FOXP1: variants seen among roughly 807,000 people sequenced by gnomAD.
The protein encoded by FOXP1 is forkhead box protein P1.
A neutral mutation model predicts 98.2 loss-of-function variants in FOXP1; 15 were observed. That is an observed-to-expected ratio of 0.15 (90% CI 0.10 to 0.24). The LOEUF is 0.24. Ranked by LOEUF, FOXP1 falls within the 10% of genes least tolerant of loss-of-function variation. FOXP1 has a pLI of 1.00. For synonymous variants in FOXP1, 371 were observed against 314.5 expected (o/e 1.18, Z -1.90); for missense variants, 633 against 848.5 (o/e 0.75, Z 3.15).
chr3:71,267,001 C>G (rs895235791), intron 5 of FOXP1, among the ~76,000 whole-genome samples: 10 of 152,110 alleles, frequency 6.6e-5, no homozygotes, highest in Non-Finnish European at 1.2e-4. Context: ...GAATTTAATC[C>G]TTCATCAAAG....
intron 2 of FOXP1, among the ~76,000 whole-genome samples, chr3:71,509,673 G>A (rs565267742): frequency 2.6e-4 from 40 of 152,202 alleles, no homozygotes; most frequent in African/African-American, 8.9e-4. Context: ...CTTGAGGCTA[G>A]GAGTTCAAGA....
At chr3:71,068,202 A>G (rs1392075965) in intron 7 of FOXP1, among the ~76,000 whole-genome samples, 1 of 152,210 alleles carries the variant, frequency 6.6e-6, no homozygotes, top group Non-Finnish European at 1.5e-5. Context: ...AAATGAGTCC[A>G]TTGTGCAGCT....
chr3:71,062,356 T>C (rs1453010330), intron 7 of FOXP1, among the ~76,000 whole-genome samples: 1 of 152,256 alleles, frequency 6.6e-6, no homozygotes, highest in Non-Finnish European at 1.5e-5. Context: ...ATGTTTCCAT[T>C]CCATCCCTGG....
chr3:71,365,451 CAAAAAAA>C (rs1209204141), intron 3 of FOXP1, among the ~76,000 whole-genome samples: 1 of 80,168 alleles, frequency 1.2e-5, no homozygotes, highest in Non-Finnish European at 2.7e-5. Context: ...TTGCAACAAC[CAAAAAAA>C]AAAAAAAAAA....
chr3:71,136,992 C>T (rs1320442439), intron 6 of FOXP1, among the ~76,000 whole-genome samples: 3 of 152,158 alleles, frequency 2.0e-5, no homozygotes, highest in Non-Finnish European at 4.4e-5. Flanking sequence ...TCTCAGCTTC[C>T]TTTATGAAGC....
At chr3:71,504,864 C>G (rs2041687966) in intron 2 of FOXP1, among the ~76,000 whole-genome samples, 1 of 152,170 alleles carries the variant, frequency 6.6e-6, no homozygotes, top group Non-Finnish European at 1.5e-5. Context: ...GTTCTAACAC[C>G]AACTAACATG....
chr3:70,998,130 T>A (rs1166393584), intron 13 of FOXP1, among the ~76,000 whole-genome samples: 1 of 152,182 alleles, frequency 6.6e-6, no homozygotes, highest in African/African-American at 2.4e-5. Flanking sequence ...GTTTTTCTGA[T>A]CCTCTTGACC....
Position 70,958,527 on chromosome 3 carries a change from C to T in FOXP1, c.*720G>A. On this transcript the variant is annotated 3_prime_UTR_variant, in exon 21 of 21. Transcript: ENST00000649528. ...GACATTCAGCTTTGTATAATAAAAACACCTATTAACATTCATCACAAGGTA... is the reference window on the plus strand; with the variant it reads ...GACATTCAGCTTTGTATAATAAAAATACCTATTAACATTCATCACAAGGTA... 3.1e-6 allele frequency: 1 copy of T among 319,056 alleles called. No homozygotes were observed. Among genetic ancestry groups the T allele is most frequent in the Non-Finnish European group, 6.0e-6 (1 of 166,078 alleles). 19.8% of individuals were successfully genotyped at this position (319,056 alleles called of 1,614,324 possible).
chr3:71,292,383 G>A (rs2072848356), intron 5 of FOXP1: 1 of 152,158 alleles, frequency 6.6e-6, no homozygotes, highest in Admixed American at 6.5e-5. Flanking sequence ...TGCCCAGGAT[G>A]TAGAGCAGTG....
chr3:71,541,957 C>A (rs578235930), intron 2 of FOXP1: 1 of 531,212 alleles, frequency 1.9e-6, no homozygotes, highest in Admixed American at 2.0e-5. Context: ...CATGGCATCA[C>A]GCCGCGCGAG....
intron 5 of FOXP1, among the ~76,000 whole-genome samples, chr3:71,220,214 T>C: frequency 6.6e-6 from 1 of 152,182 alleles, no homozygotes; most frequent in East Asian, 1.9e-4. Flanking sequence ...ATAAATAATT[T>C]AATGTCAGAC....
chr3:71,581,752 G>A (rs2048186557), intron 1 of FOXP1, 55 bp from the exon 2 acceptor site: 1 of 985,700 alleles, frequency 1.0e-6, no homozygotes, highest in Non-Finnish European at 1.2e-6. Flanking sequence ...CGTGCAGGCT[G>A]GGGGGAACTG....
intron 4 of FOXP1, among the ~76,000 whole-genome samples, chr3:71,310,830 G>C (rs906281841): frequency 5.3e-5 from 8 of 152,194 alleles, no homozygotes; most frequent in African/African-American, 1.9e-4. Context: ...ACTCATGGCT[G>C]CCTACCAGGC....
intron 4 of FOXP1, among the ~76,000 whole-genome samples, chr3:71,324,133 C>T (rs2075549651): frequency 6.6e-6 from 1 of 151,902 alleles, no homozygotes; most frequent in East Asian, 1.9e-4. Context: ...TTATATTATT[C>T]AGAAAATATA....
Position 71,459,619 on chromosome 3 carries a change from T to C in FOXP1, c.-168+33807A>G, listed in dbSNP as rs538974871. Among the ~76,000 whole-genome samples, 3 of 152,334 alleles carry C rather than the reference T, an allele frequency of 2.0e-5. No individual in the cohort carries two copies. The East Asian group carries it at 5.8e-4, about 29-fold the overall frequency. On this transcript the variant is annotated intron_variant, in intron 3 of 20. Coordinates refer to ENST00000649528, the MANE Select transcript of FOXP1 (RefSeq NM_001349338.3). Reference sequence around the variant, plus strand: ...TCATGTAATAGATATGGGGTTGTTGTTTTTTAAAATCCCTTCATCACAAAT... The same window carrying C: ...TCATGTAATAGATATGGGGTTGTTGCTTTTTAAAATCCCTTCATCACAAAT...
intron 6 of FOXP1, among the ~76,000 whole-genome samples, chr3:71,126,757 G>A (rs1361618487): frequency 6.6e-6 from 1 of 151,336 alleles, no homozygotes; most frequent in Non-Finnish European, 1.5e-5. Flanking sequence ...CCGTGAGATG[G>A]AGGCTGCAGT....
At chr3:71,171,895 T>C (rs1344425654) in intron 6 of FOXP1, among the ~76,000 whole-genome samples, 1 of 152,254 alleles carries the variant, frequency 6.6e-6, no homozygotes, top group Non-Finnish European at 1.5e-5. Flanking sequence ...CATTTTTCTG[T>C]TGACAAACAG....
intron 13 of FOXP1, among the ~76,000 whole-genome samples, chr3:70,991,368 A>C (rs1284837472): frequency 6.6e-6 from 1 of 152,164 alleles, no homozygotes; most frequent in African/African-American, 2.4e-5. Context: ...GGTTTAAGAC[A>C]GTCTGGGCTG....
chr3:71,119,211 AGATGTGTTTCT>A (rs1309756586), intron 6 of FOXP1, among the ~76,000 whole-genome samples: 3 of 152,230 alleles, frequency 2.0e-5, no homozygotes, highest in African/African-American at 7.2e-5. Flanking sequence ...CAAACTTTGA[AGATGTGTTTCT>A]GCTGGTAGGT....
Sources: allele counts gnomAD v4.1 joint callset (sites outside exome capture counted in the v4.1 genomes callset), GRCh38; gene constraint gnomAD v4.1.1; transcripts MANE v1.5; gene names NCBI Gene and HGNC (gene_info 2026-07-23, HGNC 2026-07-21).